The following LRPPRC variants were observed in gnomAD, a reference collection of about 807,000 sequenced individuals.
The protein encoded by LRPPRC is leucine rich pentatricopeptide repeat containing.
A neutral mutation model predicts 180.3 loss-of-function variants in LRPPRC; 120 were observed. The ratio of observed to expected loss-of-function variants is 0.67; its 90% CI spans 0.57 to 0.77. LRPPRC has a LOEUF of 0.77. Among genes scored for constraint, LRPPRC ranks in the 30% least tolerant of loss-of-function variants. The probability of loss-of-function intolerance (pLI) is 0.00; values close to 1 mark genes in which losing one functional copy is unlikely to be tolerated. For missense variants in LRPPRC, 2,012 were observed against 1,657.2 expected, an observed-to-expected ratio of 1.21 and a Z score of -3.72; for synonymous variants, 723 against 600.0, an observed-to-expected ratio of 1.21 and a Z score of -3.00.
chr2:43,931,398 A>T (rs1213578182), intron 25 of LRPPRC, among the ~76,000 whole-genome samples: 1 of 152,178 alleles, frequency 6.6e-6, no homozygotes, highest in African/African-American at 2.4e-5. Flanking sequence ...GCATTTATTA[A>T]ATGTCTGATA....
At chr2:43,890,417 C>T (rs1005953262) in intron 36 of LRPPRC, 3 of 458,154 alleles carry the variant, frequency 6.5e-6, no homozygotes, top group East Asian at 1.4e-4. Context: ...GATACACACA[C>T]ACAAAAAACC....
rs761034621 is a variant in LRPPRC, at chr2:43,948,406, T to A, written c.1842+6A>T. On this transcript the variant is annotated splice_donor_region_variant and intron_variant, in intron 17 of 37. Transcript: ENST00000260665. The stretch of plus-strand genomic sequence containing the variant: ...AGGCATTATATAGCAAAAAACGAAA[T>A]GGTACCATCTTCTCCAGCTGATGGA... The A allele has an allele frequency of 1.3e-6, 2 of 1,590,958 alleles. No homozygotes were observed. The highest frequency in any genetic ancestry group is 3.3e-5 in the Admixed American group (2 of 59,972).
Position 43,901,474 on chromosome 2 carries a change from T to C in LRPPRC, c.3415A>G (p.Arg1139Gly), listed in dbSNP as rs1226034666. The change falls in exon 32 of 38, where the codon AGG (arginine) becomes GGG (glycine). Residue 1139 changes from arginine (R) to glycine (G), a missense_variant. Transcript: ENST00000260665. ...TGGATGACACGGGTCACTGCTAACC[T>C]AGAAGGGGTCTGCTGCTGATCCAAT... Reference protein sequence around the residue: ...TVLDQQQTPSRLAVTRVIQAL... With the variant: ...TVLDQQQTPSGLAVTRVIQAL... 5 of 1,614,056 alleles carry C rather than the reference T, an allele frequency of 3.1e-6. No individual in the cohort carries two copies. In the Admixed American group the frequency reaches 8.3e-5, roughly 27 times the overall value.
At chr2:43,964,261 TTCCTC>T (rs57124754) in intron 11 of LRPPRC, among the ~76,000 whole-genome samples, 30,377 of 151,986 alleles carry the variant, frequency 0.2, 3,666 homozygotes, top group African/African-American at 0.33. Flanking sequence ...AATAAGTTGT[TTCCTC>T]TATCTCATTT....
intron 26 of LRPPRC, among the ~76,000 whole-genome samples, chr2:43,925,473 G>A (rs1314651830): frequency 3.3e-5 from 5 of 152,138 alleles, no homozygotes; most frequent in South Asian, 4.1e-4. Flanking sequence ...TGTATCGTAC[G>A]TTAACAAAAA....
Position 43,976,165 on chromosome 2 carries a change from C to T in LRPPRC, c.715G>A (p.Val239Met). Residue 239 changes from valine to methionine, a missense_variant, in exon 6 of 38, where the codon GTG becomes ATG. Physicochemically the swap from Val to Met is conservative, Grantham distance 21 (BLOSUM62 1). Transcript: ENST00000260665. ...TACCCAGCTCTGGCATGCCCTGTCA[C>T]AAGGGCACTGAATACTGCCTCTGTA... is the stretch of plus-strand genomic sequence containing the variant. ...PVTEAVFSALVTGHARAGDME... is the reference protein window; with the variant it reads ...PVTEAVFSALMTGHARAGDME... 1 of 1,609,758 alleles carries T rather than the reference C, an allele frequency of 6.2e-7. No individual in the cohort carries two copies. Among genetic ancestry groups the T allele is most frequent in the Non-Finnish European group, 8.5e-7 (1 of 1,176,006 alleles).
At chr2:43,929,747 C>T (rs543852149) in intron 25 of LRPPRC, among the ~76,000 whole-genome samples, 1 of 152,194 alleles carries the variant, frequency 6.6e-6, no homozygotes, top group East Asian at 1.9e-4. Context: ...TTGTCCTTTT[C>T]TCTAAAATTT....
chr2:43,919,167 G>A (rs1466710135), intron 27 of LRPPRC, among the ~76,000 whole-genome samples: 4 of 152,106 alleles, frequency 2.6e-5, no homozygotes, highest in Non-Finnish European at 4.4e-5. Context: ...AGGGATCTAC[G>A]TTGTGAACTC....
At chr2:43,993,957 T>A (rs986934432) in intron 1 of LRPPRC, among the ~76,000 whole-genome samples, 1 of 152,088 alleles carries the variant, frequency 6.6e-6, no homozygotes, top group Non-Finnish European at 1.5e-5. Flanking sequence ...GTTAGTAAGA[T>A]GGCTGAGATT....
At chr2:43,976,356 A>C in intron 5 of LRPPRC, 127 bp from the exon 6 acceptor site, 2 of 658,878 alleles carry the variant, frequency 3.0e-6, no homozygotes, top group Non-Finnish European at 5.4e-6. Context: ...TTGTTTTAGA[A>C]ACCACAAAGA....
intron 2 of LRPPRC, 127 bp downstream of exon 2, chr2:43,982,111 T>C: frequency 1.7e-6 from 1 of 601,524 alleles, no homozygotes; most frequent in Non-Finnish European, 2.9e-6. Flanking sequence ...TTTTGCCATG[T>C]TGGCCAGGCT....
At chr2:43,919,494 GATTT>G (rs1671620551) in intron 27 of LRPPRC, among the ~76,000 whole-genome samples, 2 of 152,152 alleles carry the variant, frequency 1.3e-5, no homozygotes, top group African/African-American at 4.8e-5. Context: ...AATCTTCTTA[GATTT>G]CTTATCTCAA....
chr2:43,987,398 G>A (rs1674574112), intron 1 of LRPPRC, among the ~76,000 whole-genome samples: 1 of 151,272 alleles, frequency 6.6e-6, no homozygotes, highest in African/African-American at 2.4e-5. Flanking sequence ...AGGAAGCTGA[G>A]GCAGGAGAAT....
intron 30 of LRPPRC, 52 bp downstream of exon 30, chr2:43,912,380 C>G: frequency 6.6e-7 from 1 of 1,521,988 alleles, no homozygotes; most frequent in Non-Finnish European, 9.1e-7. Flanking sequence ...TGGCTAATGG[C>G]AGCCAATATT....
At chr2:43,932,776 C>T (rs1008961944) in intron 25 of LRPPRC, among the ~76,000 whole-genome samples, 4 of 152,170 alleles carry the variant, frequency 2.6e-5, no homozygotes, top group Non-Finnish European at 5.9e-5. Context: ...CTCTTTTATA[C>T]ATGAGGAAGC....
chr2:43,958,343 T>C (rs879497820), intron 13 of LRPPRC, among the ~76,000 whole-genome samples: 9 of 152,238 alleles, frequency 5.9e-5, no homozygotes, highest in Non-Finnish European at 1.0e-4. Flanking sequence ...AAGCAAATTC[T>C]GAAGACAATA....
At chr2:43,955,277 G>A (rs1026651103) in intron 14 of LRPPRC, among the ~76,000 whole-genome samples, 1 of 151,830 alleles carries the variant, frequency 6.6e-6, no homozygotes, top group African/African-American at 2.4e-5. Flanking sequence ...AGACCAGCCT[G>A]GGCAACACGG....
At chr2:43,966,350 G>C (rs1673557381) in intron 11 of LRPPRC, among the ~76,000 whole-genome samples, 1 of 151,848 alleles carries the variant, frequency 6.6e-6, no homozygotes, top group Admixed American at 6.6e-5. Context: ...ATAAGTTCTG[G>C]ACACAATGTA....
intron 31 of LRPPRC, among the ~76,000 whole-genome samples, chr2:43,904,195 G>A (rs1479693674): frequency 6.6e-6 from 1 of 152,140 alleles, no homozygotes; most frequent in Non-Finnish European, 1.5e-5. Flanking sequence ...TCCTGCCACA[G>A]CCTCCCAAAG....
Sources: gnomAD v4.1 joint callset for allele counts (sites outside exome capture counted in the v4.1 genomes callset) on GRCh38, gnomAD v4.1.1 for gene constraint, MANE v1.5 for transcripts, NCBI Gene and HGNC (gene_info 2026-07-23, HGNC 2026-07-21) for gene names.